NDE1: variants seen among roughly 807,000 people sequenced by gnomAD.
NDE1 encodes the protein nuclear distribution protein nudE homolog 1.
In NDE1, 28 loss-of-function variants were observed where a neutral mutation model predicts 43.4. That is an observed-to-expected ratio of 0.65 (90% CI 0.48 to 0.89). The LOEUF is 0.89. Ranked by LOEUF, NDE1 falls within the 40% of genes least tolerant of loss-of-function variation. The pLI, the probability that NDE1 is intolerant of heterozygous loss-of-function variation, is 0.00. For synonymous variants in NDE1, 184 were observed against 172.0 expected (o/e 1.07, Z -0.55); for missense variants, 441 against 434.1 (o/e 1.02, Z -0.14).
In NDE1 at chr16:15,643,445, A is replaced by G; in HGVS notation, c.-648A>G. 2 of 448,982 alleles carry G rather than the reference A, an allele frequency of 4.5e-6. No homozygotes were observed. Among genetic ancestry groups the G allele is most frequent in the South Asian group, 3.2e-5 (2 of 62,150 alleles). 27.8% of individuals were successfully genotyped at this position (448,982 alleles called of 1,614,324 possible). On this transcript the variant is annotated 5_prime_UTR_variant, in exon 1 of 10. Transcript: ENST00000396355. ...GTCGAAAGGAACCTTGAAGCGGAGA[A>G]TGAGCTCGTGACGTGGACCCGAGGA...
At chr16:15,691,515 C>T (rs919085746) in intron 6 of NDE1, among the ~76,000 whole-genome samples, 192 bp downstream of exon 6, 4 of 151,900 alleles carry the variant, frequency 2.6e-5, no homozygotes, top group African/African-American at 9.7e-5. Context: ...GGGTAAGAGG[C>T]AGTAGTGGAG....
At chr16:15,720,357 A>T in intron 8 of NDE1, 1 of 1,591,688 alleles carries the variant, frequency 6.3e-7, no homozygotes, top group South Asian at 1.1e-5. Flanking sequence ...TGCCCCTGGG[A>T]GGTCCTTTGG....
chr16:15,709,830 C>T (rs765679533), intron 8 of NDE1, among the ~76,000 whole-genome samples: 2 of 152,144 alleles, frequency 1.3e-5, no homozygotes, highest in African/African-American at 4.8e-5. Context: ...CATTAGCTTT[C>T]GGGCCTCTAG....
intron 4 of NDE1, chr16:15,687,019 G>C: frequency 1.0e-6 from 1 of 985,382 alleles, no homozygotes; most frequent in Non-Finnish European, 1.2e-6. Flanking sequence ...TTTTAATGCT[G>C]GTTGGCATTG....
At chr16:15,719,176 C>T in intron 8 of NDE1, 2 of 1,562,092 alleles carry the variant, frequency 1.3e-6, no homozygotes, top group African/African-American at 1.4e-5. Context: ...GCCTGTCCCC[C>T]CATCCTCTGC....
chr16:15,646,672 A>C (rs1376626414), upstream of NDE1, among the ~76,000 whole-genome samples: 4 of 151,642 alleles, frequency 2.6e-5, no homozygotes, highest in Admixed American at 1.3e-4. Context: ...TGGAGGTTAC[A>C]ATGAGCCGAG....
intron 2 of NDE1, among the ~76,000 whole-genome samples, chr16:15,665,245 T>G (rs919318541): frequency 5.3e-5 from 8 of 151,988 alleles, no homozygotes; most frequent in Non-Finnish European, 1.2e-4. Flanking sequence ...TGTGAAAGGC[T>G]TAACTTACAC....
chr16:15,712,577 C>T (rs541891429), intron 8 of NDE1, among the ~76,000 whole-genome samples: 1 of 152,252 alleles, frequency 6.6e-6, no homozygotes, highest in South Asian at 2.1e-4. Flanking sequence ...GCCTGGGCAA[C>T]AGAGCAAGAC....
chr16:15,674,039 G>C (rs1206924808), intron 3 of NDE1, among the ~76,000 whole-genome samples: 1 of 152,144 alleles, frequency 6.6e-6, no homozygotes, highest in Non-Finnish European at 1.5e-5. Context: ...GGAATTAAAC[G>C]AGACAACATA....
chr16:15,706,241 A>G (rs960518388), intron 8 of NDE1, among the ~76,000 whole-genome samples: 1 of 152,180 alleles, frequency 6.6e-6, no homozygotes. Flanking sequence ...AGAACTCTCC[A>G]TCCTTCTCTC....
chr16:15,652,324 A>G (rs1271222954), intron 1 of NDE1, among the ~76,000 whole-genome samples: 1 of 152,200 alleles, frequency 6.6e-6, no homozygotes, highest in African/African-American at 2.4e-5. Flanking sequence ...ACTTGCAGGC[A>G]TGAGCCACTG....
At chr16:15,648,393 A>C (rs796713234), upstream of NDE1, among the ~76,000 whole-genome samples, 9 of 152,340 alleles carry the variant, frequency 5.9e-5, no homozygotes, top group African/African-American at 2.2e-4. Flanking sequence ...GTTTTAGAAG[A>C]AAATAAAGAA....
chr16:15,725,835 G>A lies in NDE1; in HGVS notation c.*1584G>A. On this transcript the variant is annotated 3_prime_UTR_variant, in exon 9 of 9. Coordinates refer to ENST00000396354, the MANE Select transcript of NDE1 (RefSeq NM_017668.3). The stretch of plus-strand genomic sequence containing the variant: ...GACAAAAAGACCATGTCATTCAGCA[G>A]CTTAAAACCCCTCAACAGCTTCACA... 1 of 396,606 alleles carries A rather than the reference G, an allele frequency of 2.5e-6. No individual in the cohort carries two copies. Among genetic ancestry groups the A allele is most frequent in the Non-Finnish European group, 4.4e-6 (1 of 225,078 alleles). 24.6% of individuals were successfully genotyped at this position (396,606 alleles called of 1,614,324 possible). A position where few individuals can be genotyped will look rare whatever the true frequency, so the allele number is the denominator to read the frequency against.
In NDE1 at chr16:15,721,558, T is replaced by C. The variant is rs1353580314; in HGVS notation, c.948-2633T>C. 6.2e-7 allele frequency: 1 copy of C among 1,614,096 alleles called. No homozygotes were observed. The highest frequency in any genetic ancestry group is 8.5e-7 in the Non-Finnish European group (1 of 1,180,058). Reference sequence around the variant, plus strand: ...AGCCAGGGACAGGGCCTTGGTTTCCTTCTCCCTGGCTTCTGCCTCAGCTCT... The same window carrying C: ...AGCCAGGGACAGGGCCTTGGTTTCCCTCTCCCTGGCTTCTGCCTCAGCTCT... On this transcript the variant is annotated intron_variant, in intron 8 of 8. Transcript: ENST00000396354.
At chr16:15,699,832 G>T (rs772130206) in intron 8 of NDE1, 9 of 1,349,314 alleles carry the variant, frequency 6.7e-6, no homozygotes, top group Non-Finnish European at 7.8e-6. Context: ...GGAAAACCAC[G>T]GAAGCTGAAG....
intron 8 of NDE1, among the ~76,000 whole-genome samples, chr16:15,710,461 C>T (rs1047420623): frequency 1.3e-5 from 2 of 152,142 alleles, no homozygotes; most frequent in African/African-American, 4.8e-5. Flanking sequence ...GCAAAGGTTG[C>T]AGTGAGCCGA....
chr16:15,678,066 G>T, intron 4 of NDE1, 117 bp downstream of exon 4: 1 of 1,309,160 alleles, frequency 7.6e-7, no homozygotes, highest in Admixed American at 1.8e-5. Flanking sequence ...GCAGAACAAA[G>T]CCAGTGCCCT....
At chr16:15,681,313 T>TAGAG (rs2038170044) in intron 4 of NDE1, among the ~76,000 whole-genome samples, 1 of 123,018 alleles carries the variant, frequency 8.1e-6, no homozygotes, top group Non-Finnish European at 1.6e-5. Context: ...TTGCCCAGAG[T>TAGAG]AGAGTGCCAT....
At chr16:15,683,190 T>C (rs2038271044) in intron 4 of NDE1, 1 of 152,160 alleles carries the variant, frequency 6.6e-6, no homozygotes, top group African/African-American at 2.4e-5. Context: ...AAAAAGGATA[T>C]GTTCTTAGTT....
Sources: allele counts gnomAD v4.1 joint callset (sites outside exome capture counted in the v4.1 genomes callset), GRCh38; gene constraint gnomAD v4.1.1; transcripts MANE v1.5; gene names NCBI Gene and HGNC (gene_info 2026-07-23, HGNC 2026-07-21).